FGF8: variants seen among roughly 807,000 people sequenced by gnomAD.
The protein encoded by FGF8 is fibroblast growth factor 8, also known as androgen-induced growth factor.
FGF8 carries 12 observed loss-of-function variants against 29.7 expected under a neutral mutation model. That is an observed-to-expected ratio of 0.40 (90% CI 0.26 to 0.65). FGF8 has a LOEUF of 0.65. Ranked by LOEUF, FGF8 falls within the 30% of genes least tolerant of loss-of-function variation. The pLI is 0.37. For synonymous variants in FGF8, 157 were observed against 144.4 expected (o/e 1.09, Z -0.63); for missense variants, 271 against 345.1 (o/e 0.79, Z 1.70).
At position 101,771,806 on chromosome 10, in the gene FGF8, C is replaced by T. The variant is rs1388594420; in HGVS notation, c.338-237G>A. On this transcript the variant is annotated intron_variant, in intron 4 of 5. Coordinates refer to ENST00000320185, the MANE Select transcript of FGF8 (RefSeq NM_033163.5). The surrounding 1 kb of genome is among the most constrained non-coding windows in gnomAD (Gnocchi z 5.3). Reference sequence around the variant, plus strand: ...GGGATTATGGTTTTCAAACTGGGTTCTCAAGAGAGGTCTTGGGACTATCAA... The same window carrying T: ...GGGATTATGGTTTTCAAACTGGGTTTTCAAGAGAGGTCTTGGGACTATCAA... Among the ~76,000 whole-genome samples the T allele has an allele frequency of 6.6e-6, 1 of 152,246 alleles. No individual in the cohort carries two copies. Among genetic ancestry groups the T allele is most frequent in the Non-Finnish European group, 1.5e-5 (1 of 68,046 alleles).
At chr10:101,779,827 GGAGT>G (rs1408511970), upstream of FGF8, among the ~76,000 whole-genome samples, 5 of 152,258 alleles carry the variant, frequency 3.3e-5, no homozygotes, top group South Asian at 2.1e-4. This position sits in a 1 kb window ranked among gnomAD's most constrained non-coding sequence, Gnocchi z 5.7. Context: ...AAGGGAAAGA[GGAGT>G]GAGGGCCACA....
At chr10:101,774,162 G>A (rs532816502) in intron 4 of FGF8, among the ~76,000 whole-genome samples, 3 of 152,288 alleles carry the variant, frequency 2.0e-5, no homozygotes, top group South Asian at 4.1e-4. Context: ...CCTCTCTGCC[G>A]GCAGTAGCTC....
chr10:101,770,287 G>C lies in FGF8; in HGVS notation c.*42C>G. On this transcript the variant is annotated 3_prime_UTR_variant, in exon 6 of 6. Transcript: ENST00000320185. ...GAGTTTTGGGTGCCCTACAGGATGA[G>C]CCTCTCTGCGGTCTGGCATTGTGGG... 6.5e-7 allele frequency: 1 copy of C among 1,538,230 alleles called. No individual in the cohort carries two copies. Among genetic ancestry groups the C allele is most frequent in the Non-Finnish European group, 8.8e-7 (1 of 1,138,768 alleles).
chr10:101,779,294 T>G (rs2065123854), upstream of FGF8, among the ~76,000 whole-genome samples: 1 of 152,136 alleles, frequency 6.6e-6, no homozygotes. This position sits in a 1 kb window ranked among gnomAD's most constrained non-coding sequence, Gnocchi z 5.7. Flanking sequence ...GTTAAGCACT[T>G]CGGCCACTGT....
At position 101,771,559 on chromosome 10, in the gene FGF8, G is replaced by A. The variant is rs367853216; in HGVS notation, c.348C>T (p.Ile116=). ...TGCTTCCAAAGGTGTCCGTCTCCAC[G>A]ATGAGCTTTGCTGTCAGAGAAGGTA... The part of the protein sequence containing the change: ...AEDGDPFAKL[I]VETDTFGSRV... Residue 116 remains isoleucine (I), a synonymous_variant, in exon 5 of 6, where the codon ATC becomes ATT. Coordinates refer to ENST00000320185, the MANE Select transcript of FGF8 (RefSeq NM_033163.5). The surrounding 1 kb of genome is among the most constrained non-coding windows in gnomAD (Gnocchi z 5.3). 43 of 1,613,880 alleles carry A rather than the reference G, an allele frequency of 2.7e-5. 1 individual carries two copies. Among genetic ancestry groups the A allele is most frequent in the Middle Eastern group, 1.6e-4 (1 of 6,084 alleles).
Position 101,771,227 on chromosome 10 carries a change from C to A in FGF8, c.444+236G>T, listed in dbSNP as rs1009585875. ...GATATATGGAATTTACCAACCACCA[C>A]CCCCCAGCCCCTTCCCTAGCCTTCA... On this transcript the variant is annotated intron_variant, in intron 5 of 5. Coordinates refer to ENST00000320185, the MANE Select transcript of FGF8 (RefSeq NM_033163.5). This position sits in a 1 kb window ranked among gnomAD's most constrained non-coding sequence, Gnocchi z 5.3. 1.3e-5 allele frequency among the ~76,000 whole-genome samples: 2 copies of A among 152,156 alleles called. No individual in the cohort carries two copies. Among genetic ancestry groups the A allele is most frequent in the African/African-American group, 2.4e-5 (1 of 41,410 alleles).
chr10:101,772,722 G>A lies in FGF8; in HGVS notation c.338-1153C>T, dbSNP rs577071566. Among the ~76,000 whole-genome samples, 1 of 152,270 alleles carries A rather than the reference G, an allele frequency of 6.6e-6. No individual in the cohort carries two copies. The highest frequency in any genetic ancestry group is 1.9e-4 in the East Asian group (1 of 5,182). The stretch of plus-strand genomic sequence containing the variant: ...CATGGCAGGGGTTTGGGGCATCGAG[G>A]TCAGCAAGTCAGTCATCACTGCTCA... On this transcript the variant is annotated intron_variant, in intron 4 of 5. Coordinates refer to ENST00000320185, the MANE Select transcript of FGF8 (RefSeq NM_033163.5). This position sits in a 1 kb window ranked among gnomAD's most constrained non-coding sequence, Gnocchi z 4.4.
chr10:101,779,158 C>T (rs1186744213), upstream of FGF8, among the ~76,000 whole-genome samples: 1 of 152,188 alleles, frequency 6.6e-6, no homozygotes, highest in African/African-American at 2.4e-5. This position sits in a 1 kb window ranked among gnomAD's most constrained non-coding sequence, Gnocchi z 5.7. Context: ...CCCAGCCCAT[C>T]CCCCGGCCCC....
chr10:101,770,739 C>T (rs946910916), intron 5 of FGF8, 120 bp from the exon 6 acceptor site: 1 of 1,112,810 alleles, frequency 9.0e-7, no homozygotes, highest in Non-Finnish European at 1.3e-6. Flanking sequence ...GAGCCGCAGC[C>T]CCACCCCCTG....
upstream of FGF8, chr10:101,776,204 C>T (rs1387604103): frequency 4.9e-5 from 5 of 102,202 alleles, no homozygotes; most frequent in East Asian, 3.1e-4. Context: ...CGGGGGGCGC[C>T]GCACCGGGCG....
At chr10:101,778,803 T>TCCCTGGCG (rs995126036), upstream of FGF8, among the ~76,000 whole-genome samples, 28 of 152,136 alleles carry the variant, frequency 1.8e-4, no homozygotes, top group Admixed American at 1.6e-3. Flanking sequence ...GGCCGCTCCC[T>TCCCTGGCG]CCCTTGCTGG....
Position 101,774,893 on chromosome 10 carries a change from G to T in FGF8, c.176C>A (p.Pro59His). Residue 59 changes from proline (P) to histidine (H), a missense_variant, in exon 4 of 6, where the codon CCT becomes CAT. Physicochemically the swap from Pro to His is moderately conservative, Grantham distance 77. This residue lies in a region of FGF8 where 168 missense variants were observed against 207.0 expected (regional missense o/e 0.81). Transcript: ENST00000320185. ...CTCCCTCACATGCTGTGTAAAATTA[G>T]GTGAGGACTGAACAGTTACCTTTAG... Reference protein sequence around the residue: ...VSQQVTVQSSPNFTQHVREQS... With the variant: ...VSQQVTVQSSHNFTQHVREQS... The T allele has an allele frequency of 6.2e-7, 1 of 1,614,050 alleles. No homozygotes were observed.
rs773974488 is a variant in FGF8, at chr10:101,770,300, C to G, written c.*29G>C. On this transcript the variant is annotated 3_prime_UTR_variant, in exon 6 of 6. Coordinates refer to ENST00000320185, the MANE Select transcript of FGF8 (RefSeq NM_033163.5). ...CCTACAGGATGAGCCTCTCTGCGGT[C>G]TGGCATTGTGGGGAGGGCCAGGCAG... is the stretch of plus-strand genomic sequence containing the variant. 25 of 1,565,288 alleles carry G rather than the reference C, an allele frequency of 1.6e-5. No homozygotes were observed. Among genetic ancestry groups the G allele is most frequent in the Non-Finnish European group, 2.1e-5 (24 of 1,154,986 alleles).
In FGF8 at chr10:101,775,533, G is replaced by A. The variant is rs1045282821; in HGVS notation, c.69+207C>T. The A allele has an allele frequency of 4.8e-6, 3 of 620,882 alleles. No homozygotes were observed. The highest frequency in any genetic ancestry group is 8.5e-6 in the Non-Finnish European group (3 of 354,530). 38.5% of individuals were successfully genotyped at this position (620,882 alleles called of 1,614,324 possible). ...CTCCGAGACCTTCGTTTCTATCCTG[G>A]CCACTCACTCGCTGTGTGACCTCAG... On this transcript the variant is annotated intron_variant, in intron 2 of 5. Transcript: ENST00000320185. The surrounding 1 kb of genome is among the most constrained non-coding windows in gnomAD (Gnocchi z 4.6).
intron 4 of FGF8, among the ~76,000 whole-genome samples, chr10:101,773,746 T>C (rs747733323): frequency 2.0e-5 from 3 of 152,122 alleles, no homozygotes; most frequent in African/African-American, 7.2e-5. Context: ...AAGGTGAAAG[T>C]AAGAAGAGTT....
rs1160200442 is a variant in FGF8 at position 101,771,261 on chromosome 10, C to A, written c.444+202G>T. Among the ~76,000 whole-genome samples, 1 of 152,194 alleles carries A rather than the reference C, an allele frequency of 6.6e-6. No individual in the cohort carries two copies. The highest frequency in any genetic ancestry group is 1.5e-5 in the Non-Finnish European group (1 of 68,030). On this transcript the variant is annotated intron_variant, in intron 5 of 5. Transcript: ENST00000320185. The surrounding 1 kb of genome is among the most constrained non-coding windows in gnomAD (Gnocchi z 5.3). ...CCCTTCCCTAGCCTTCATTCTTCCT[C>A]CTTCGCCTTTTATAGTTTTCATCTC...
chr10:101,776,348 TA>T (rs1465232929), upstream of FGF8, among the ~76,000 whole-genome samples: 1 of 96,978 alleles, frequency 1.0e-5, no homozygotes, highest in East Asian at 2.6e-4. Flanking sequence ...GGGTCTGGGC[TA>T]GGGGAGGGGT....
chr10:101,775,689 C>G lies in FGF8; in HGVS notation c.69+51G>C. On this transcript the variant is annotated intron_variant, in intron 2 of 5. Coordinates refer to ENST00000320185, the MANE Select transcript of FGF8 (RefSeq NM_033163.5). This position sits in a 1 kb window ranked among gnomAD's most constrained non-coding sequence, Gnocchi z 4.6. The stretch of plus-strand genomic sequence containing the variant: ...GTGCCCCCGACCGGCGCTGCCCACC[C>G]GGGTCTCACACCGGCGCGCCCGGCC... The G allele has an allele frequency of 6.5e-7, 1 of 1,535,406 alleles. No homozygotes were observed. Among genetic ancestry groups the G allele is most frequent in the Non-Finnish European group, 8.8e-7 (1 of 1,141,780 alleles).
chr10:101,771,640 C>A lies in FGF8; in HGVS notation c.338-71G>T. On this transcript the variant is annotated intron_variant, in intron 4 of 5. Coordinates refer to ENST00000320185, the MANE Select transcript of FGF8 (RefSeq NM_033163.5). The surrounding 1 kb of genome is among the most constrained non-coding windows in gnomAD (Gnocchi z 5.3). ...CAGCTGGCCCACACACTTGTCACAG[C>A]CCAGCAGCAACTGCTCCAAAGACCA... 8.1e-7 allele frequency: 1 copy of A among 1,237,160 alleles called. No individual in the cohort carries two copies. Among genetic ancestry groups the A allele is most frequent in the Non-Finnish European group, 1.2e-6 (1 of 843,888 alleles). The allele number at this position is 1,237,160 out of a possible 1,614,324, so 76.6% of individuals were successfully genotyped here. A position where few individuals can be genotyped will look rare whatever the true frequency, so the allele number is the denominator to read the frequency against.
Sources: gnomAD v4.1 joint callset for allele counts (sites outside exome capture counted in the v4.1 genomes callset) on GRCh38, gnomAD v4.1.1 for gene constraint, gnomAD v4.1.1 regional missense constraint, Gnocchi (gnomAD v3.1) non-coding constraint, MANE v1.5 for transcripts, NCBI Gene and HGNC (gene_info 2026-07-23, HGNC 2026-07-21) for gene names.